Variants in DOCK1 observed in about 807,000 individuals in gnomAD.
DOCK1 encodes dedicator of cytokinesis 1.
DOCK1 carries 138 observed loss-of-function variants against 262.7 expected under a neutral mutation model. The observed-to-expected ratio is 0.53, with a 90% CI of 0.46 to 0.61. The LOEUF (loss-of-function observed/expected upper bound fraction) is 0.61, where lower values mean the gene tolerates loss of function less well. Among genes scored for constraint, DOCK1 ranks in the 20% least tolerant of loss-of-function variants. The pLI is 0.00. For missense variants in DOCK1, 1,908 were observed against 2,370.7 expected (o/e 0.80, Z 4.05); for synonymous variants, 866 against 867.4 (o/e 1.00, Z 0.03).
Position 127,350,257 on chromosome 10 carries a change from G to A in DOCK1, c.3225-4412G>A, listed in dbSNP as rs544272913. On this transcript the variant is annotated intron_variant, in intron 31 of 51. Coordinates refer to ENST00000623213, the MANE Select transcript of DOCK1 (RefSeq NM_001290223.2). ...AACTTAAAAAAAAAGTGGCGGCAGCGGGGACGCTTTAAAAAAAACCTGCCT... is the reference window on the plus strand; with the variant it reads ...AACTTAAAAAAAAAGTGGCGGCAGCAGGGACGCTTTAAAAAAAACCTGCCT... Among the ~76,000 whole-genome samples, 14 of 108,436 alleles carry A rather than the reference G, an allele frequency of 1.3e-4. No individual in the cohort carries two copies. In the East Asian group the frequency reaches 1.7e-3, roughly 13 times the overall value. The allele number at this position is 108,436 out of a possible 152,430, so 71.1% of individuals were successfully genotyped here. A position where few individuals can be genotyped will look rare whatever the true frequency, so the allele number is the denominator to read the frequency against.
chr10:127,079,954 C>A (rs2046805448), intron 23 of DOCK1, among the ~76,000 whole-genome samples: 1 of 152,034 alleles, frequency 6.6e-6, no homozygotes, highest in African/African-American at 2.4e-5. Flanking sequence ...ATAAATAAAT[C>A]TTTTCCCTAG....
chr10:127,025,099 C>A (rs1276641201), intron 15 of DOCK1: 2 of 186,726 alleles, frequency 1.1e-5, no homozygotes, highest in East Asian at 1.3e-4. Context: ...AACAAAAAAA[C>A]CGAGCTGCCA....
chr10:127,127,150 A>C (rs936920489), intron 26 of DOCK1, among the ~76,000 whole-genome samples: 24 of 152,238 alleles, frequency 1.6e-4, no homozygotes, highest in Non-Finnish European at 5.9e-5. Context: ...TAGTTCACGA[A>C]GAAGAATCAA....
At chr10:127,018,953 A>G (rs1486191624) in intron 13 of DOCK1, 118 bp downstream of exon 13, 6 of 1,446,178 alleles carry the variant, frequency 4.1e-6, no homozygotes, top group Non-Finnish European at 5.5e-6. Context: ...AGCTCCTGGT[A>G]GGTGACCCTG....
chr10:126,973,040 T>C (rs1228260614), intron 2 of DOCK1, among the ~76,000 whole-genome samples: 2 of 150,976 alleles, frequency 1.3e-5, no homozygotes, highest in Non-Finnish European at 2.9e-5. Context: ...TCAGACACTT[T>C]TCTGATTTGA....
intron 29 of DOCK1, among the ~76,000 whole-genome samples, chr10:127,326,957 G>A (rs2062770942): frequency 6.6e-6 from 1 of 152,176 alleles, no homozygotes; most frequent in South Asian, 2.1e-4. Context: ...ATTTTTGAAA[G>A]GCATCTTGTT....
intron 26 of DOCK1, 116 bp downstream of exon 26, chr10:127,125,717 C>CT (rs1323767174): frequency 7.1e-7 from 1 of 1,410,206 alleles, no homozygotes; most frequent in Middle Eastern, 1.9e-4. Flanking sequence ...TCTAGCCTCT[C>CT]TTTTTGTCTC....
At chr10:127,137,965 G>A (rs1452951757) in intron 27 of DOCK1, 1 of 1,613,992 alleles carries the variant, frequency 6.2e-7, no homozygotes, top group Non-Finnish European at 8.5e-7. Flanking sequence ...ATAGGGTGGA[G>A]TTTTCTTAGA....
Position 127,089,872 on chromosome 10 carries a change from T to C in DOCK1, c.2446-16359T>C, listed in dbSNP as rs147168768. ...TTTTAGTTCCATAACTGTAAACTTT[T>C]CTTTCTCTTTTTTGGTGGCATTTAT... On this transcript the variant is annotated intron_variant, in intron 23 of 51. Transcript: ENST00000623213. Among the ~76,000 whole-genome samples, 210 of 152,368 alleles carry C rather than the reference T, an allele frequency of 1.4e-3. 4 individuals carry two copies. The highest frequency in any genetic ancestry group is 4.8e-3 in the African/African-American group (199 of 41,594).
At chr10:127,372,587 C>T (rs1328951954) in intron 33 of DOCK1, among the ~76,000 whole-genome samples, 5 of 152,204 alleles carry the variant, frequency 3.3e-5, no homozygotes, top group Admixed American at 3.3e-4. Context: ...GCATCAAAGG[C>T]ACTGTTTGAG....
intron 51 of DOCK1, among the ~76,000 whole-genome samples, chr10:127,450,738 C>T (rs1183150331): frequency 6.6e-6 from 1 of 152,148 alleles, no homozygotes; most frequent in African/African-American, 2.4e-5. Context: ...AATATATGCC[C>T]ATGAGCTGAA....
chr10:127,183,845 G>A (rs1250787010), intron 27 of DOCK1, among the ~76,000 whole-genome samples: 3 of 152,180 alleles, frequency 2.0e-5, no homozygotes, highest in Non-Finnish European at 2.9e-5. Context: ...CAATCCTGGT[G>A]TTACTCTGCC....
intron 51 of DOCK1, 133 bp from the exon 52 acceptor site, chr10:127,451,199 G>C (rs993453977): frequency 5.0e-6 from 5 of 1,003,476 alleles, no homozygotes; most frequent in Non-Finnish European, 5.9e-6. Flanking sequence ...AGTCGGACAG[G>C]ATGGAGCCCA....
chr10:127,341,890 C>T (rs1209381256), intron 30 of DOCK1, among the ~76,000 whole-genome samples: 2 of 152,136 alleles, frequency 1.3e-5, no homozygotes, highest in East Asian at 1.9e-4. Flanking sequence ...AGTCAGGGGC[C>T]CATCTAGCAT....
Position 127,121,497 on chromosome 10 carries a change from C to A in DOCK1, c.2624-3977C>A, listed in dbSNP as rs572591152. ...TGTGTCTATCTGTCCGTCTGTCTGT[C>A]CATCTGTCTGTTTTTGTAGTATACG... On this transcript the variant is annotated intron_variant, in intron 25 of 51. Coordinates refer to ENST00000623213, the MANE Select transcript of DOCK1 (RefSeq NM_001290223.2). Among the ~76,000 whole-genome samples, 3 of 121,114 alleles carry A rather than the reference C, an allele frequency of 2.5e-5. No homozygotes were observed. In the East Asian group the frequency reaches 7.4e-4, roughly 30 times the overall value. The allele number at this position is 121,114 out of a possible 152,430, so 79.5% of individuals were successfully genotyped here. A position where few individuals can be genotyped will look rare whatever the true frequency, so the allele number is the denominator to read the frequency against.
At chr10:127,403,411 C>G (rs950318284) in intron 39 of DOCK1, among the ~76,000 whole-genome samples, 3 of 152,210 alleles carry the variant, frequency 2.0e-5, no homozygotes, top group African/African-American at 7.2e-5. Context: ...AACTGCTGAC[C>G]TTGTGTATAG....
intron 27 of DOCK1, among the ~76,000 whole-genome samples, chr10:127,217,201 C>T (rs888297607): frequency 1.3e-5 from 2 of 152,238 alleles, no homozygotes; most frequent in African/African-American, 2.4e-5. Context: ...TCTTATTTCA[C>T]TTTACCTGGG....
chr10:127,365,327 T>G (rs751877991), intron 33 of DOCK1, among the ~76,000 whole-genome samples: 13 of 152,242 alleles, frequency 8.5e-5, no homozygotes, highest in Non-Finnish European at 1.9e-4. Context: ...CTTTTGAAAT[T>G]ATTGCCAAAT....
intron 25 of DOCK1, among the ~76,000 whole-genome samples, chr10:127,121,849 T>A (rs2049602645): frequency 6.6e-6 from 1 of 152,196 alleles, no homozygotes; most frequent in Non-Finnish European, 1.5e-5. Context: ...GTGGCAGACC[T>A]GCTTTTAACT....
Sources: gnomAD v4.1 joint callset for allele counts (sites outside exome capture counted in the v4.1 genomes callset) on GRCh38, gnomAD v4.1.1 for gene constraint, MANE v1.5 for transcripts, NCBI Gene and HGNC (gene_info 2026-07-23, HGNC 2026-07-21) for gene names.